The following CC2D2A variants were observed in gnomAD, a reference collection of about 807,000 sequenced individuals.
The protein encoded by CC2D2A is coiled-coil and C2 domain-containing protein 2A.
CC2D2A carries 155 observed loss-of-function variants against 212.9 expected under a neutral mutation model. The observed-to-expected ratio is 0.73, with a 90% CI of 0.64 to 0.83. The LOEUF (loss-of-function observed/expected upper bound fraction) is 0.83. CC2D2A is among the 40% of genes least tolerant of loss of function. The pLI is 0.00. For synonymous variants in CC2D2A, 667 were observed against 686.5 expected (o/e 0.97, Z 0.44); for missense variants, 1,856 against 1,956.2 (o/e 0.95, Z 0.97).
intron 3 of CC2D2A, chr4:15,479,298 G>A (rs1369502838): frequency 6.5e-7 from 1 of 1,537,034 alleles, no homozygotes; most frequent in Non-Finnish European, 8.7e-7. Context: ...CCTAGGCTGG[G>A]AGCATCCCGT....
At chr4:15,498,932 T>A (rs988704881) in intron 4 of CC2D2A, among the ~76,000 whole-genome samples, 21 of 152,220 alleles carry the variant, frequency 1.4e-4, no homozygotes, top group Non-Finnish European at 2.8e-4. Flanking sequence ...AGTTCAAAAG[T>A]CCTCCAATAT....
intron 23 of CC2D2A, among the ~76,000 whole-genome samples, chr4:15,562,524 C>T (rs1719660802): frequency 1.3e-5 from 2 of 152,206 alleles, no homozygotes. Flanking sequence ...GAGTCTCTTG[C>T]TTCTCCCCTA....
intron 11 of CC2D2A, among the ~76,000 whole-genome samples, chr4:15,523,361 T>TA (rs1179239580): frequency 6.6e-6 from 1 of 152,138 alleles, no homozygotes; most frequent in African/African-American, 2.4e-5. Flanking sequence ...AAGCAGGTGT[T>TA]AAAGGCCCTG....
Position 15,533,252 on chromosome 4 carries a change from T to C in CC2D2A, c.1526T>C (p.Ile509Thr), listed in dbSNP as rs1270428820. 3 of 1,602,638 alleles carry C rather than the reference T, an allele frequency of 1.9e-6. No homozygotes were observed. Among genetic ancestry groups the C allele is most frequent in the South Asian group, 1.1e-5 (1 of 87,726 alleles). The change falls in exon 14 of 37, where the codon ATC becomes ACC. Residue 509 changes from isoleucine (I) to threonine (T), a missense_variant. Around this residue, in one of 5 missense-constraint regions of CC2D2A, gnomAD observed 1,512 missense variants for 1,579.3 expected, o/e 0.96. Transcript: ENST00000424120. The stretch of plus-strand genomic sequence containing the variant: ...AAAGATAGAACATTGCTTAAGACTA[T>C]CATAAAAGTTTGGAAAGAGATGAAA... ...QEKDRTLLKT[I>T]IKVWKEMKSL...
At position 15,567,391 on chromosome 4, in the gene CC2D2A, C is replaced by A; in HGVS notation, c.3197C>A (p.Pro1066Gln). ...TTCTCTCCTAGCAAATTCCAGCAGC[C>A]GTCGAGGTCTTCAAGGATGTTCAGT... ...RKPAVSKFQQ[P>Q]SRSSRMFSEK... Residue 1066 changes from proline (P) to glutamine (Q), a missense_variant, in exon 25 of 37, where the codon CCG (proline) becomes CAG (glutamine). By Grantham distance (76) the Pro-to-Gln change is moderately conservative (BLOSUM62 -1). This residue lies in a region of CC2D2A where 1,512 missense variants were observed against 1,579.3 expected (regional missense o/e 0.96). Coordinates refer to ENST00000424120, the MANE Select transcript of CC2D2A (RefSeq NM_001378615.1). 6.2e-7 allele frequency: 1 copy of A among 1,612,924 alleles called. No individual in the cohort carries two copies. Among genetic ancestry groups the A allele is most frequent in the Non-Finnish European group, 8.5e-7 (1 of 1,179,338 alleles).
chr4:15,484,312 GAAC>G (rs1649135446), intron 4 of CC2D2A, among the ~76,000 whole-genome samples: 4 of 152,132 alleles, frequency 2.6e-5, no homozygotes, highest in Admixed American at 6.5e-5. Flanking sequence ...AGTGGAGAGT[GAAC>G]AACAAGGAAA....
chr4:15,554,390 A>G (rs1195388766), intron 19 of CC2D2A, among the ~76,000 whole-genome samples: 2 of 152,214 alleles, frequency 1.3e-5, no homozygotes, highest in Non-Finnish European at 2.9e-5. Context: ...AGTTGGTTTT[A>G]GGCTGGGCAC....
At chr4:15,511,170 C>A in intron 7 of CC2D2A, 77 bp from the exon 8 acceptor site, 1 of 1,444,352 alleles carries the variant, frequency 6.9e-7, no homozygotes, top group Non-Finnish European at 9.2e-7. Flanking sequence ...TAGCATTAAG[C>A]CAGCTGTCAG....
In CC2D2A at chr4:15,515,958, G is replaced by C. The variant is rs113371687; in HGVS notation, c.971G>C (p.Arg324Pro). ...ACCGGGGTAAGACCAGAGGTGGCACGCACCAATCAGAACATCATGGAGAAC... is the reference window on the plus strand; with the variant it reads ...ACCGGGGTAAGACCAGAGGTGGCACCCACCAATCAGAACATCATGGAGAAC... ...LYTGVRPEVA[R>P]TNQNIMENRL... Residue 324 changes from arginine to proline, a missense_variant, in exon 10 of 37, where the codon CGC becomes CCC. Arg to Pro is a moderately radical substitution (Grantham distance 103, BLOSUM62 -2). This residue lies in a region of CC2D2A where 1,512 missense variants were observed against 1,579.3 expected (regional missense o/e 0.96). Coordinates refer to ENST00000424120, the MANE Select transcript of CC2D2A (RefSeq NM_001378615.1). The C allele has an allele frequency of 6.3e-7, 1 of 1,581,224 alleles. No individual in the cohort carries two copies. The highest frequency in any genetic ancestry group is 8.6e-7 in the Non-Finnish European group (1 of 1,163,230).
chr4:15,470,693 A>C (rs62289307), intron 1 of CC2D2A, among the ~76,000 whole-genome samples: 1,945 of 30,528 alleles, frequency 0.064, 7 homozygotes, highest in African/African-American at 0.14. Context: ...CTCTCTCTAT[A>C]TATATATATA....
intron 30 of CC2D2A, among the ~76,000 whole-genome samples, chr4:15,585,732 A>G (rs1720830661): frequency 1.3e-5 from 2 of 151,982 alleles, no homozygotes; most frequent in Admixed American, 1.3e-4. Flanking sequence ...ATGCATTGAA[A>G]CCTCACTGTT....
chr4:15,546,823 T>C (rs1718734560), intron 17 of CC2D2A, among the ~76,000 whole-genome samples: 1 of 152,156 alleles, frequency 6.6e-6, no homozygotes, highest in Non-Finnish European at 1.5e-5. Flanking sequence ...ATGGGTTGCA[T>C]GAGGCAAGAA....
intron 17 of CC2D2A, among the ~76,000 whole-genome samples, chr4:15,547,601 A>T (rs1359288740): frequency 3.9e-5 from 6 of 152,224 alleles, no homozygotes; most frequent in Non-Finnish European, 8.8e-5. Flanking sequence ...CACAACAAAG[A>T]ATTACTTGGC....
At chr4:15,560,148 TAGGAA>T (rs1719502634) in intron 22 of CC2D2A, among the ~76,000 whole-genome samples, 1 of 152,152 alleles carries the variant, frequency 6.6e-6, no homozygotes, top group Non-Finnish European at 1.5e-5. Flanking sequence ...CCTCTGGAAT[TAGGAA>T]GTGAATCATT....
chr4:15,537,639 C>A (rs982777429), intron 15 of CC2D2A, among the ~76,000 whole-genome samples: 2 of 152,136 alleles, frequency 1.3e-5, no homozygotes, highest in African/African-American at 4.8e-5. Context: ...TTTCCAGGGA[C>A]TAGGCTGTAT....
At chr4:15,587,961 A>G (rs747547941) in intron 32 of CC2D2A, 32 bp downstream of exon 32, 1 of 1,199,312 alleles carries the variant, frequency 8.3e-7, no homozygotes, top group African/African-American at 1.5e-5. Flanking sequence ...TTAACAGAGG[A>G]GTATAGTTGT....
chr4:15,564,412 A>G (rs1719783884), intron 24 of CC2D2A, among the ~76,000 whole-genome samples: 1 of 152,186 alleles, frequency 6.6e-6, no homozygotes, highest in African/African-American at 2.4e-5. Flanking sequence ...GGGAGAAAGT[A>G]GCACTTAATG....
intron 16 of CC2D2A, among the ~76,000 whole-genome samples, chr4:15,539,386 G>A (rs1320672090): frequency 6.6e-6 from 1 of 152,000 alleles, no homozygotes; most frequent in African/African-American, 2.4e-5. Flanking sequence ...ATGAATACAG[G>A]GACTGTTGTA....
intron 4 of CC2D2A, among the ~76,000 whole-genome samples, chr4:15,501,053 C>T (rs1361787900): frequency 6.6e-6 from 1 of 152,122 alleles, no homozygotes; most frequent in East Asian, 1.9e-4. Flanking sequence ...TCATCAAACT[C>T]CTCGTGTTGA....
Sources: allele counts gnomAD v4.1 joint callset (sites outside exome capture counted in the v4.1 genomes callset), GRCh38; gene constraint gnomAD v4.1.1; regional missense constraint gnomAD v4.1.1; transcripts MANE v1.5; gene names NCBI Gene and HGNC (gene_info 2026-07-23, HGNC 2026-07-21).